The following INVS variants were observed in gnomAD, a reference collection of about 807,000 sequenced individuals.
The protein encoded by INVS is inversin, also known as inversion of embryo turning homolog.
Under a neutral mutation model 108.8 loss-of-function variants are expected in INVS, and 86 were observed. The ratio of observed to expected loss-of-function variants is 0.79; its 90% CI spans 0.66 to 0.95. INVS has a LOEUF of 0.95. INVS is among the 40% of genes least tolerant of loss of function. The pLI is 0.00. For missense variants in INVS, 1,169 were observed against 1,297.4 expected (o/e 0.90, Z 1.52); for synonymous variants, 455 against 473.5 (o/e 0.96, Z 0.51).
intron 3 of INVS, among the ~76,000 whole-genome samples, chr9:100,159,540 A>G (rs970825126): frequency 1.3e-5 from 2 of 152,218 alleles, no homozygotes; most frequent in Non-Finnish European, 2.9e-5. Flanking sequence ...ATAGATAGGA[A>G]TTCCATAACC....
At chr9:100,146,919 C>T (rs964287533) in intron 3 of INVS, among the ~76,000 whole-genome samples, 5 of 151,792 alleles carry the variant, frequency 3.3e-5, no homozygotes, top group African/African-American at 1.2e-4. Flanking sequence ...GTTTGAGTAC[C>T]TGTTTTCAAT....
At chr9:100,221,871 A>T (rs1462698514) in intron 3 of INVS, among the ~76,000 whole-genome samples, 4 of 152,086 alleles carry the variant, frequency 2.6e-5, no homozygotes, top group African/African-American at 9.7e-5. Context: ...ATTATTAGTT[A>T]TTGTTAATCT....
chr9:100,164,333 G>A (rs1829291587), intron 3 of INVS, among the ~76,000 whole-genome samples: 1 of 151,978 alleles, frequency 6.6e-6, no homozygotes, highest in African/African-American at 2.4e-5. Context: ...CCGTGTTGTA[G>A]CCAATATTAA....
At chr9:100,151,746 A>T (rs1828813910) in intron 3 of INVS, among the ~76,000 whole-genome samples, 1 of 152,200 alleles carries the variant, frequency 6.6e-6, no homozygotes, top group Non-Finnish European at 1.5e-5. Flanking sequence ...CCCATTCCTC[A>T]TATAATATGC....
At chr9:100,186,575 G>A (rs1208418323) in intron 3 of INVS, among the ~76,000 whole-genome samples, 1 of 152,116 alleles carries the variant, frequency 6.6e-6, no homozygotes, top group East Asian at 1.9e-4. Flanking sequence ...GGGCTATGGT[G>A]ATATTATCTC....
chr9:100,211,037 T>G (rs1303434882), intron 3 of INVS, among the ~76,000 whole-genome samples: 1 of 152,078 alleles, frequency 6.6e-6, no homozygotes, highest in Non-Finnish European at 1.5e-5. Context: ...TGCAGATTCT[T>G]GGCCCCTACA....
At chr9:100,258,556 T>A (rs777594862) in intron 10 of INVS, among the ~76,000 whole-genome samples, 65 of 152,054 alleles carry the variant, frequency 4.3e-4, no homozygotes, top group Non-Finnish European at 7.4e-4. Context: ...TGGTCTTTGG[T>A]CTTTGGTCTT....
chr9:100,101,942 A>G (rs1293996631), intron 1 of INVS: 1 of 152,194 alleles, frequency 6.6e-6, no homozygotes, highest in Non-Finnish European at 1.5e-5. Flanking sequence ...TTAAGGGTTT[A>G]GGAAGGATGT....
intron 3 of INVS, among the ~76,000 whole-genome samples, chr9:100,160,954 C>CAAA (rs34945084): frequency 1.8e-4 from 13 of 72,630 alleles, no homozygotes; most frequent in Middle Eastern, 0.011. Flanking sequence ...GACTCTGTCT[C>CAAA]AAAAAAAAAA....
chr9:100,280,284 T>G (rs1833235687), intron 12 of INVS, among the ~76,000 whole-genome samples: 1 of 152,202 alleles, frequency 6.6e-6, no homozygotes, highest in South Asian at 2.1e-4. Flanking sequence ...TCCCATCAGC[T>G]GATAGTCTGG....
intron 12 of INVS, among the ~76,000 whole-genome samples, chr9:100,281,744 A>T (rs1340793481): frequency 7.6e-6 from 1 of 131,428 alleles, no homozygotes; most frequent in Non-Finnish European, 1.7e-5. Flanking sequence ...CCCCCCTGGT[A>T]TCCCCCCTCC....
At chr9:100,227,392 T>C (rs1231564860) in intron 4 of INVS, among the ~76,000 whole-genome samples, 1 of 152,202 alleles carries the variant, frequency 6.6e-6, no homozygotes, top group Non-Finnish European at 1.5e-5. Flanking sequence ...ATTATCTAAT[T>C]GTAGATTGGA....
intron 3 of INVS, among the ~76,000 whole-genome samples, chr9:100,220,310 TC>T (rs1831105602): frequency 6.6e-6 from 1 of 152,174 alleles, no homozygotes; most frequent in Admixed American, 6.5e-5. Context: ...AGTGTCATAA[TC>T]TTTATGTGAC....
chr9:100,229,828 G>C lies in INVS; in HGVS notation c.615+1G>C. 9 of 1,613,984 alleles carry C rather than the reference G, an allele frequency of 5.6e-6. No homozygotes were observed. The highest frequency in any genetic ancestry group is 7.6e-6 in the Non-Finnish European group (9 of 1,179,920). ...TGTTCACACAGTGAGATGCATTCTG[G>C]TGAGTTGAATGGTACTGCTAGACCT... is the stretch of plus-strand genomic sequence containing the variant. On this transcript the variant is annotated splice_donor_variant, in intron 5 of 16. Transcript: ENST00000262457. LOFTEE classifies it high-confidence loss of function.
At chr9:100,282,338 C>T in intron 12 of INVS, among the ~76,000 whole-genome samples, 1 of 152,056 alleles carries the variant, frequency 6.6e-6, no homozygotes, top group East Asian at 1.9e-4. Context: ...AAAGATGTCA[C>T]AAAACCAGAG....
chr9:100,119,845 G>A (rs1324926565), intron 2 of INVS, among the ~76,000 whole-genome samples: 8 of 152,048 alleles, frequency 5.3e-5, no homozygotes, highest in African/African-American at 1.7e-4. Flanking sequence ...GGCGTGAGCC[G>A]CTGCACCTGG....
chr9:100,252,803 C>T, intron 9 of INVS, 104 bp from the exon 10 acceptor site: 2 of 812,660 alleles, frequency 2.5e-6, no homozygotes, highest in Non-Finnish European at 4.2e-6. Flanking sequence ...TTCTTCTATT[C>T]ATTTTAATAA....
At chr9:100,203,428 T>TA (rs1480770416) in intron 3 of INVS, among the ~76,000 whole-genome samples, 1 of 151,140 alleles carries the variant, frequency 6.6e-6, no homozygotes, top group African/African-American at 2.4e-5. Flanking sequence ...GTGTTTCTTA[T>TA]AAAAAGAAAT....
At chr9:100,250,155 T>TATA (rs1832181076) in intron 8 of INVS, among the ~76,000 whole-genome samples, 1 of 152,124 alleles carries the variant, frequency 6.6e-6, no homozygotes, top group African/African-American at 2.4e-5. Flanking sequence ...ACTCCCTCTT[T>TATA]GAAAAGTGCT....
Sources: allele counts gnomAD v4.1 joint callset (sites outside exome capture counted in the v4.1 genomes callset), GRCh38; gene constraint gnomAD v4.1.1; transcripts MANE v1.5; gene names NCBI Gene and HGNC (gene_info 2026-07-23, HGNC 2026-07-21).